Variants in SHTN1 observed in about 807,000 individuals in gnomAD.
SHTN1 encodes the protein shootin-1.
SHTN1 carries 42 observed loss-of-function variants against 83.1 expected under a neutral mutation model. The ratio of observed to expected loss-of-function variants is 0.51; its 90% CI spans 0.39 to 0.65. The LOEUF is 0.65. Among genes scored for constraint, SHTN1 ranks in the 30% least tolerant of loss-of-function variants. SHTN1 has a pLI of 0.00. For missense variants in SHTN1, 622 were observed against 737.8 expected (o/e 0.84, Z 1.82); for synonymous variants, 224 against 247.7 (o/e 0.90, Z 0.90).
At chr10:117,106,220 G>C (rs1027026457) in intron 1 of SHTN1, among the ~76,000 whole-genome samples, 5 of 151,922 alleles carry the variant, frequency 3.3e-5, no homozygotes, top group African/African-American at 4.8e-5. Context: ...ACTTTGGGAG[G>C]CTGAGGTGGG....
Position 116,988,029 on chromosome 10 carries a change from T to C in SHTN1, c.59-8721A>G, listed in dbSNP as rs563074221. Reference sequence around the variant, plus strand: ...CCAGTGGTACTATTCTGTACTATAATGGTGAATACATGTGCTATATATTTG... The same window carrying C: ...CCAGTGGTACTATTCTGTACTATAACGGTGAATACATGTGCTATATATTTG... On this transcript the variant is annotated intron_variant, in intron 1 of 16. Coordinates refer to ENST00000355371, the MANE Select transcript of SHTN1 (RefSeq NM_001127211.3). Among the ~76,000 whole-genome samples the C allele has an allele frequency of 3.3e-5, 5 of 152,284 alleles. No individual in the cohort carries two copies. The East Asian group carries it at 9.6e-4, about 29-fold the overall frequency.
At chr10:117,065,856 A>AAAGGAG (rs1564947544) in intron 1 of SHTN1, among the ~76,000 whole-genome samples, 4 of 37,062 alleles carry the variant, frequency 1.1e-4, no homozygotes, top group East Asian at 2.0e-3. Context: ...AAGGAAGGAA[A>AAAGGAG]GGAGGGAGGG....
At chr10:116,980,834 C>T (rs1850989328) in intron 1 of SHTN1, among the ~76,000 whole-genome samples, 1 of 152,064 alleles carries the variant, frequency 6.6e-6, no homozygotes, top group Non-Finnish European at 1.5e-5. Context: ...GCACCAAAGT[C>T]CTAAAATCCA....
intron 1 of SHTN1, among the ~76,000 whole-genome samples, chr10:117,002,250 T>A (rs1048027024): frequency 2.0e-5 from 3 of 152,232 alleles, no homozygotes; most frequent in African/African-American, 7.2e-5. Context: ...TTTATTCATA[T>A]GATAACTTGA....
chr10:116,933,325 A>AC (rs753279565), intron 9 of SHTN1, among the ~76,000 whole-genome samples: 10 of 142,022 alleles, frequency 7.0e-5, no homozygotes, highest in Non-Finnish European at 1.5e-4. Flanking sequence ...CCTTGCCCCC[A>AC]CCCCCCGACA....
rs866759482 is a variant in SHTN1, at chr10:116,886,456, T to C, written c.1784A>G (p.Gln595Arg). Reference protein sequence around the residue: ...VSTHEPQTKDQVAEKDPTQHK... With the variant: ...VSTHEPQTKDRVAEKDPTQHK... ...TTGAGTTGGATCTTTTTCAGCAACCTGGTCTTTGGTTTGGGGTTCATGTGT... is the reference window on the plus strand; with the variant it reads ...TTGAGTTGGATCTTTTTCAGCAACCCGGTCTTTGGTTTGGGGTTCATGTGT... Residue 595 changes from glutamine to arginine, a missense_variant, in exon 17 of 17, where the codon CAG (glutamine) becomes CGG (arginine). Physicochemically the swap from Gln to Arg is conservative, Grantham distance 43 (BLOSUM62 1). Coordinates refer to ENST00000355371, the MANE Select transcript of SHTN1 (RefSeq NM_001127211.3). 6.2e-7 allele frequency: 1 copy of C among 1,613,704 alleles called. No individual in the cohort carries two copies. Among genetic ancestry groups the C allele is most frequent in the South Asian group, 1.1e-5 (1 of 90,992 alleles).
intron 2 of SHTN1, chr10:117,023,662 G>A (rs543655411): frequency 6.5e-6 from 1 of 152,724 alleles, no homozygotes; most frequent in South Asian, 2.1e-4. Flanking sequence ...TGAGCGTTTT[G>A]ATCACCACAT....
chr10:116,932,917 A>T (rs2133383075), intron 9 of SHTN1, among the ~76,000 whole-genome samples: 1 of 152,320 alleles, frequency 6.6e-6, no homozygotes, highest in East Asian at 1.9e-4. Context: ...TTATTTACTA[A>T]ATGATTTAAC....
At chr10:116,936,064 T>G (rs373446218) in intron 9 of SHTN1, among the ~76,000 whole-genome samples, 1 of 152,130 alleles carries the variant, frequency 6.6e-6, no homozygotes, top group African/African-American at 2.4e-5. Context: ...CTTTTCTTCT[T>G]TATTAGTTGG....
intron 9 of SHTN1, among the ~76,000 whole-genome samples, chr10:116,939,089 T>C (rs1159966024): frequency 6.6e-6 from 1 of 152,184 alleles, no homozygotes; most frequent in Non-Finnish European, 1.5e-5. Context: ...CAGTGGATCT[T>C]GGCTTGCTGG....
chr10:116,963,035 G>GTTTTTT (rs71013628), intron 3 of SHTN1, among the ~76,000 whole-genome samples: 3 of 45,258 alleles, frequency 6.6e-5, no homozygotes, highest in East Asian at 6.6e-4. Context: ...AATAATAAAA[G>GTTTTTT]TTTTTTTTTT....
intron 8 of SHTN1, among the ~76,000 whole-genome samples, chr10:116,942,264 G>A (rs997760078): frequency 5.3e-5 from 8 of 150,840 alleles, no homozygotes; most frequent in Non-Finnish European, 1.2e-4. Flanking sequence ...CCAGGCTGGA[G>A]TGCAGTGGCA....
At chr10:117,069,242 C>T (rs1210320567) in intron 1 of SHTN1, among the ~76,000 whole-genome samples, 1 of 152,176 alleles carries the variant, frequency 6.6e-6, no homozygotes, top group Non-Finnish European at 1.5e-5. Context: ...GAAAAGTATT[C>T]ACTGCATTTA....
At chr10:117,101,568 A>G (rs1230588613) in intron 1 of SHTN1, among the ~76,000 whole-genome samples, 1 of 152,208 alleles carries the variant, frequency 6.6e-6, no homozygotes, top group Non-Finnish European at 1.5e-5. Context: ...CAAGTGAAAG[A>G]AGGAGCAGAT....
intron 1 of SHTN1, among the ~76,000 whole-genome samples, chr10:117,067,798 A>C: frequency 6.6e-6 from 1 of 152,128 alleles, no homozygotes; most frequent in East Asian, 1.9e-4. Context: ...TATATCTAGG[A>C]GATAGAGTTG....
intron 9 of SHTN1, among the ~76,000 whole-genome samples, chr10:116,935,106 G>A: frequency 6.6e-6 from 1 of 152,200 alleles, no homozygotes; most frequent in Non-Finnish European, 1.5e-5. Context: ...CATGTCATCT[G>A]CAAACAGAGA....
At chr10:117,107,586 A>C (rs1462001671) in intron 1 of SHTN1, among the ~76,000 whole-genome samples, 2 of 152,200 alleles carry the variant, frequency 1.3e-5, no homozygotes, top group African/African-American at 4.8e-5. Context: ...TATGCCAACT[A>C]AGTTGAAGTA....
chr10:117,065,872 G>GGGAT lies in SHTN1; in HGVS notation c.-188-17363_-188-17362insATCC, dbSNP rs1309363499. On this transcript the variant is annotated intron_variant, in intron 1 of 17. Transcript: ENST00000392901. ...AGGAAGGAAAGGAGGGAGGGAGGGA[G>GGGAT]GGAGGGAGGTGGGGAGGGGAAGGGA... Among the ~76,000 whole-genome samples the GGGAT allele has an allele frequency of 9.3e-4, 105 of 112,850 alleles. 5 individuals are homozygous for GGGAT. The highest frequency in any genetic ancestry group is 3.2e-3 in the African/African-American group (100 of 31,472). The allele number at this position is 112,850 out of a possible 152,430, so 74.0% of individuals were successfully genotyped here.
intron 1 of SHTN1, among the ~76,000 whole-genome samples, chr10:117,078,704 T>C (rs1334380228): frequency 6.6e-6 from 1 of 152,086 alleles, no homozygotes; most frequent in Non-Finnish European, 1.5e-5. Context: ...ATCCTCCCAG[T>C]GAAAGCACAG....
Sources: gnomAD v4.1 joint callset for allele counts (sites outside exome capture counted in the v4.1 genomes callset) on GRCh38, gnomAD v4.1.1 for gene constraint, MANE v1.5 for transcripts, NCBI Gene and HGNC (gene_info 2026-07-23, HGNC 2026-07-21) for gene names.